CXCL13: variants seen among roughly 807,000 people sequenced by gnomAD.
The protein encoded by CXCL13 is C-X-C motif chemokine 13.
A neutral mutation model predicts 12.2 loss-of-function variants in CXCL13; 7 were observed. The observed-to-expected ratio is 0.57, with a 90% CI of 0.33 to 1.07. The LOEUF (loss-of-function observed/expected upper bound fraction) is 1.07, where lower values mean the gene tolerates loss of function less well. CXCL13 is among the 50% of genes least tolerant of loss of function. The probability of loss-of-function intolerance (pLI) is 0.04; values close to 1 mark genes in which losing one functional copy is unlikely to be tolerated. For synonymous variants in CXCL13, 47 were observed against 42.4 expected (o/e 1.11, Z -0.42); for missense variants, 113 against 127.4 (o/e 0.89, Z 0.55).
intron 1 of CXCL13, among the ~76,000 whole-genome samples, chr4:77,537,522 A>G (rs557847424): frequency 4.1e-4 from 62 of 152,228 alleles, no homozygotes; most frequent in Non-Finnish European, 8.1e-4. Flanking sequence ...GCAATGGAAG[A>G]TATAGTGAGG....
intron 2 of CXCL13, among the ~76,000 whole-genome samples, chr4:77,608,314 C>A (rs1727044712): frequency 6.6e-6 from 1 of 152,092 alleles, no homozygotes; most frequent in South Asian, 2.1e-4. Flanking sequence ...GTGGTTCATG[C>A]CTATAATCCT....
Position 77,611,012 on chromosome 4 carries a change from T to C in CXCL13, c.303T>C (p.Val101=). 6.2e-7 allele frequency: 1 copy of C among 1,611,630 alleles called. No homozygotes were observed. Among genetic ancestry groups the C allele is most frequent in the Non-Finnish European group, 8.5e-7 (1 of 1,179,704 alleles). ...GAAGAAGTTCTTCAACTCTACCAGT[T>C]CCAGTGTTTAAGAGAAAGATTCCCT... ...LRKRSSSTLP[V]PVFKRKIP is the part of the protein sequence containing the mutation. Residue 101 remains valine (V), a synonymous_variant, in exon 4 of 4, where the codon GTT becomes GTC. Transcript: ENST00000682537.
At chr4:77,563,521 C>T (rs763361693) in intron 1 of CXCL13, among the ~76,000 whole-genome samples, 28 of 152,176 alleles carry the variant, frequency 1.8e-4, no homozygotes, top group Non-Finnish European at 4.0e-4. Flanking sequence ...GGGAGACCAG[C>T]ATTAAGATAG....
At chr4:77,580,555 G>C (rs1578063233) in intron 1 of CXCL13, among the ~76,000 whole-genome samples, 1 of 151,762 alleles carries the variant, frequency 6.6e-6, no homozygotes, top group East Asian at 1.9e-4. Context: ...TCCATCTCTT[G>C]ACCTCATGAT....
chr4:77,549,172 G>A (rs540667614), intron 1 of CXCL13, among the ~76,000 whole-genome samples: 267 of 152,268 alleles, frequency 1.8e-3, no homozygotes, highest in Non-Finnish European at 2.4e-3. Flanking sequence ...CTCGTGCCAC[G>A]GTTTTCAGCT....
intron 1 of CXCL13, among the ~76,000 whole-genome samples, chr4:77,572,390 G>A (rs1726106814): frequency 2.0e-5 from 3 of 151,756 alleles, no homozygotes; most frequent in South Asian, 4.1e-4. Flanking sequence ...GACAGAGTGA[G>A]ACCCTGTCTC....
chr4:77,516,554 G>A (rs896573757), intron 1 of CXCL13, among the ~76,000 whole-genome samples: 5 of 152,272 alleles, frequency 3.3e-5, no homozygotes, highest in African/African-American at 7.2e-5. Flanking sequence ...ATGTGTGGAG[G>A]AATTTATCCA....
Position 77,611,214 on chromosome 4 carries a change from C to G in CXCL13, c.*175C>G, listed in dbSNP as rs1727144894. On this transcript the variant is annotated 3_prime_UTR_variant, in exon 4 of 4. Coordinates refer to ENST00000682537, the MANE Select transcript of CXCL13 (RefSeq NM_001371558.1). ...TGGGGCAAACTCAAGCTTCTTCACT[C>G]ACAGCACCCTATATACACTTGGAGT... 1.7e-6 allele frequency: 1 copy of G among 582,504 alleles called. No homozygotes were observed. The highest frequency in any genetic ancestry group is 3.0e-6 in the Non-Finnish European group (1 of 328,504). The allele number at this position is 582,504 out of a possible 1,614,324, so 36.1% of individuals were successfully genotyped here. A position where few individuals can be genotyped will look rare whatever the true frequency, so the allele number is the denominator to read the frequency against.
intron 1 of CXCL13, among the ~76,000 whole-genome samples, chr4:77,514,649 G>T (rs1724370650): frequency 3.3e-5 from 5 of 149,908 alleles, no homozygotes; most frequent in East Asian, 3.9e-4. Flanking sequence ...TTTTTGATGG[G>T]GTTGTTTGTT....
chr4:77,598,945 A>G (rs1726829853), intron 1 of CXCL13, among the ~76,000 whole-genome samples: 1 of 152,010 alleles, frequency 6.6e-6, no homozygotes. Flanking sequence ...AGTAACTGGG[A>G]TTACAGGCAC....
At chr4:77,573,359 C>CT (rs1299273450) in intron 1 of CXCL13, among the ~76,000 whole-genome samples, 1 of 125,340 alleles carries the variant, frequency 8.0e-6, no homozygotes, top group Admixed American at 8.2e-5. Flanking sequence ...GCTATTGGGT[C>CT]TTTTGTGTGT....
intron 1 of CXCL13, among the ~76,000 whole-genome samples, chr4:77,556,335 C>T (rs1725657676): frequency 6.6e-6 from 1 of 151,382 alleles, no homozygotes. Context: ...TGAAGGAAGC[C>T]AGACACAAAA....
intron 1 of CXCL13, among the ~76,000 whole-genome samples, chr4:77,548,882 G>A (rs1277797616): frequency 6.6e-6 from 1 of 152,206 alleles, no homozygotes; most frequent in Non-Finnish European, 1.5e-5. Context: ...ATGTTAGCCT[G>A]CATTGCTAGG....
At chr4:77,545,698 G>T (rs977225510) in intron 1 of CXCL13, among the ~76,000 whole-genome samples, 1 of 152,176 alleles carries the variant, frequency 6.6e-6, no homozygotes, top group East Asian at 1.9e-4. Context: ...TGCAAACAGA[G>T]ACAATTTGAC....
At chr4:77,528,463 T>G (rs1267433121) in intron 1 of CXCL13, among the ~76,000 whole-genome samples, 1 of 152,208 alleles carries the variant, frequency 6.6e-6, no homozygotes, top group Non-Finnish European at 1.5e-5. Context: ...TTTTAATGAT[T>G]GCCATTCTAA....
chr4:77,576,230 CA>C (rs1218004332), intron 1 of CXCL13, among the ~76,000 whole-genome samples: 2 of 152,220 alleles, frequency 1.3e-5, no homozygotes, highest in East Asian at 3.9e-4. Context: ...TGGACTGAAC[CA>C]ATAGAAAACT....
chr4:77,533,984 G>C (rs918291506), intron 1 of CXCL13, among the ~76,000 whole-genome samples: 10 of 152,194 alleles, frequency 6.6e-5, no homozygotes, highest in Non-Finnish European at 1.0e-4. Context: ...GCACTTCCCA[G>C]GTGAGGCAAT....
chr4:77,600,984 T>C (rs1463548216), upstream of CXCL13, among the ~76,000 whole-genome samples: 1 of 152,198 alleles, frequency 6.6e-6, no homozygotes, highest in Middle Eastern at 3.2e-3. Flanking sequence ...ACACCCCTTC[T>C]GGTCAGCACA....
intron 1 of CXCL13, among the ~76,000 whole-genome samples, chr4:77,562,542 G>A (rs1440546141): frequency 1.1e-4 from 16 of 152,120 alleles, no homozygotes. Context: ...GTGGGGACTT[G>A]AAGAACTTTT....
Sources: allele counts gnomAD v4.1 joint callset (sites outside exome capture counted in the v4.1 genomes callset), GRCh38; gene constraint gnomAD v4.1.1; transcripts MANE v1.5; gene names NCBI Gene and HGNC (gene_info 2026-07-23, HGNC 2026-07-21).